Variants in GLG1 observed in about 807,000 individuals in gnomAD.
GLG1 encodes the protein Golgi apparatus protein 1.
Under a neutral mutation model 160.5 loss-of-function variants are expected in GLG1, and 38 were observed. The ratio of observed to expected loss-of-function variants is 0.24; its 90% confidence interval spans 0.18 to 0.31. The LOEUF (loss-of-function observed/expected upper bound fraction) is 0.31. Among genes scored for constraint, GLG1 ranks in the 10% least tolerant of loss-of-function variants. GLG1 has a pLI of 1.00. For synonymous variants in GLG1, 644 were observed against 543.4 expected (o/e 1.19, Z -2.57); for missense variants, 1,373 against 1,505.2 (o/e 0.91, Z 1.45).
rs956485465 is a variant in GLG1, at chr16:74,451,919, G to A, written c.*1248C>T. 8.8e-6 allele frequency: 6 copies of A among 681,460 alleles called. No homozygotes were observed. The highest frequency in any genetic ancestry group is 5.1e-5 in the South Asian group (3 of 58,302). The allele number at this position is 681,460 out of a possible 1,614,324, so 42.2% of individuals were successfully genotyped here. The stretch of plus-strand genomic sequence containing the variant: ...ATTTAGCCAATGCCTACTAGAGTGG[G>A]TACACGCAGCAAATGGACAGAAAGA... On this transcript the variant is annotated 3_prime_UTR_variant, in exon 26 of 26. Coordinates refer to ENST00000422840, the MANE Select transcript of GLG1 (RefSeq NM_001145667.2).
chr16:74,478,659 C>T (rs1030003195), intron 11 of GLG1, among the ~76,000 whole-genome samples: 2 of 152,124 alleles, frequency 1.3e-5, no homozygotes, highest in Non-Finnish European at 2.9e-5. Context: ...CACCTGTAAT[C>T]CCAGCTCTTT....
chr16:74,474,302 T>C (rs181536967), intron 13 of GLG1: 24 of 425,220 alleles, frequency 5.6e-5, no homozygotes, highest in Non-Finnish European at 4.3e-6. Context: ...ATGACTATGA[T>C]AAACCTAATT....
rs748472026 is a variant in GLG1, at chr16:74,462,215, GAT to G, written c.2935-22_2935-21del. The G allele has an allele frequency of 1.5e-6, 2 of 1,315,328 alleles. No homozygotes were observed. Among genetic ancestry groups the G allele is most frequent in the Non-Finnish European group, 2.2e-6 (2 of 910,630 alleles). The allele number at this position is 1,315,328 out of a possible 1,614,324, so 81.5% of individuals were successfully genotyped here. A position where few individuals can be genotyped will look rare whatever the true frequency, so the allele number is the denominator to read the frequency against. The stretch of plus-strand genomic sequence containing the variant: ...CAGGCGCTGCATGTGACAAAGGGAG[GAT>G]ACATGGGCTGATCAGAAAACGAAGC... On this transcript the variant is annotated intron_variant, in intron 21 of 25. Coordinates refer to ENST00000422840, the MANE Select transcript of GLG1 (RefSeq NM_001145667.2).
rs756592114 is a variant in GLG1 at position 74,496,629 on chromosome 16, C to G, written c.790G>C (p.Gly264Arg). 7 of 1,608,654 alleles carry G rather than the reference C, an allele frequency of 4.4e-6. No individual in the cohort carries two copies. In the African/African-American group the frequency reaches 8.0e-5, roughly 18 times the overall value. Reference sequence around the variant, plus strand: ...TTCTCCAAGCATGATACCACCTCACCTTGTGAATGTGCATCCTAAAATAGC... The same window carrying G: ...TTCTCCAAGCATGATACCACCTCACGTTGTGAATGTGCATCCTAAAATAGC... ...RLGEKDAHSQ[G>R]EVVSCLEKGL... Residue 264 changes from glycine to arginine, a missense_variant, in exon 5 of 26, where the codon GGT becomes CGT. Physicochemically the swap from Gly to Arg is moderately radical, Grantham distance 125. Around this residue, in one of 4 missense-constraint regions of GLG1, gnomAD observed 174 missense variants for 229.9 expected, o/e 0.76. Coordinates refer to ENST00000422840, the MANE Select transcript of GLG1 (RefSeq NM_001145667.2).
chr16:74,555,325 C>T (rs553145620), intron 1 of GLG1, among the ~76,000 whole-genome samples: 21 of 152,252 alleles, frequency 1.4e-4, no homozygotes, highest in Middle Eastern at 6.8e-3. Context: ...GGATCCACTA[C>T]ACAAAAAACA....
chr16:74,462,082 C>G lies in GLG1; in HGVS notation c.3036+12G>C. On this transcript the variant is annotated intron_variant, in intron 22 of 25. Coordinates refer to ENST00000422840, the MANE Select transcript of GLG1 (RefSeq NM_001145667.2). ...AGCTCTGTGCGTAACCAGTTTTGCA[C>G]GCAAATCCCACCTCGTCTGAGCAGT... 6.7e-7 allele frequency: 1 copy of G among 1,482,450 alleles called. No homozygotes were observed. Among genetic ancestry groups the G allele is most frequent in the Non-Finnish European group, 9.4e-7 (1 of 1,063,060 alleles). 91.8% of individuals were successfully genotyped at this position (1,482,450 alleles called of 1,614,324 possible). A position where few individuals can be genotyped will look rare whatever the true frequency, so the allele number is the denominator to read the frequency against.
intron 1 of GLG1, among the ~76,000 whole-genome samples, chr16:74,574,859 G>C (rs1484052441): frequency 4.0e-5 from 4 of 99,412 alleles, no homozygotes; most frequent in Non-Finnish European, 7.3e-5. Flanking sequence ...ACTCCAGCCT[G>C]GGTAAGAGAG....
At chr16:74,591,509 T>C (rs1958183773) in intron 1 of GLG1, among the ~76,000 whole-genome samples, 1 of 151,296 alleles carries the variant, frequency 6.6e-6, no homozygotes, top group East Asian at 1.9e-4. Context: ...GTGCCCGTAG[T>C]CCCAGCTACG....
chr16:74,503,007 G>C (rs192863188), intron 4 of GLG1, among the ~76,000 whole-genome samples: 90 of 151,998 alleles, frequency 5.9e-4, no homozygotes, highest in African/African-American at 2.0e-3. Context: ...AGGAGTTCAA[G>C]ATCAGCCTGG....
intron 25 of GLG1, among the ~76,000 whole-genome samples, chr16:74,454,650 G>T (rs2014455198): frequency 9.5e-6 from 1 of 105,618 alleles, no homozygotes; most frequent in Admixed American, 1.5e-4. Flanking sequence ...TGGGCAACAG[G>T]ACGAGAATCC....
chr16:74,559,381 C>T (rs1039678530), intron 1 of GLG1, among the ~76,000 whole-genome samples: 1 of 150,844 alleles, frequency 6.6e-6, no homozygotes, highest in African/African-American at 2.4e-5. Context: ...GAGTTTGAGG[C>T]TGCAGCAAGC....
At chr16:74,606,603 C>T in intron 1 of GLG1, 54 bp downstream of exon 1, 1 of 1,457,570 alleles carries the variant, frequency 6.9e-7, no homozygotes, top group South Asian at 1.4e-5. Flanking sequence ...AGGCCGGCAA[C>T]ACCCTCGGGC....
At chr16:74,497,434 C>CTTTTT (rs773526380) in intron 4 of GLG1, among the ~76,000 whole-genome samples, 33 of 117,138 alleles carry the variant, frequency 2.8e-4, no homozygotes, top group Non-Finnish European at 3.9e-4. Context: ...ACAGTGCTTG[C>CTTTTT]TTTTTTTTTT....
chr16:74,538,726 AGAT>A (rs2017751630), intron 1 of GLG1, among the ~76,000 whole-genome samples: 1 of 75,642 alleles, frequency 1.3e-5, no homozygotes, highest in Non-Finnish European at 2.5e-5. Flanking sequence ...GGAGATTTTG[AGAT>A]TTTTTTTTTT....
chr16:74,499,455 A>G (rs2016329010), intron 4 of GLG1, among the ~76,000 whole-genome samples: 1 of 152,264 alleles, frequency 6.6e-6, no homozygotes, highest in Non-Finnish European at 1.5e-5. Context: ...ATATGTACTT[A>G]TATACACAAA....
chr16:74,601,922 T>A (rs1037926434), intron 1 of GLG1, among the ~76,000 whole-genome samples: 6 of 152,162 alleles, frequency 3.9e-5, no homozygotes, highest in Admixed American at 3.3e-4. Context: ...ACTTAGGATA[T>A]AACATCAGAC....
chr16:74,481,368 T>C (rs1402123382), intron 10 of GLG1, among the ~76,000 whole-genome samples: 2 of 152,238 alleles, frequency 1.3e-5, no homozygotes, highest in African/African-American at 2.4e-5. Flanking sequence ...CCATATTATA[T>C]TGTCAACTTT....
At chr16:74,604,181 CCT>C (rs1317660944) in intron 1 of GLG1, among the ~76,000 whole-genome samples, 1 of 152,062 alleles carries the variant, frequency 6.6e-6, no homozygotes, top group Non-Finnish European at 1.5e-5. Flanking sequence ...AGAGCGAGAC[CCT>C]GTCTCCATAA....
chr16:74,535,946 G>A (rs1177483838), intron 1 of GLG1, among the ~76,000 whole-genome samples: 3 of 152,126 alleles, frequency 2.0e-5, no homozygotes, highest in Non-Finnish European at 2.9e-5. Flanking sequence ...AGAAGAGAGA[G>A]AACGAAATAT....
Sources: gnomAD v4.1 joint callset for allele counts (sites outside exome capture counted in the v4.1 genomes callset) on GRCh38, gnomAD v4.1.1 for gene constraint, gnomAD v4.1.1 regional missense constraint, MANE v1.5 for transcripts, NCBI Gene and HGNC (gene_info 2026-07-23, HGNC 2026-07-21) for gene names.